Variants in EPB41 observed in about 807,000 individuals in gnomAD.
The protein encoded by EPB41 is protein 4.1.
A neutral mutation model predicts 108.0 loss-of-function variants in EPB41; 65 were observed. That is an observed-to-expected ratio of 0.60 (90% CI 0.49 to 0.74). The LOEUF (loss-of-function observed/expected upper bound fraction) is 0.74, where lower values mean the gene tolerates loss of function less well. Among genes scored for constraint, EPB41 ranks in the 30% least tolerant of loss-of-function variants. The probability of loss-of-function intolerance (pLI) is 0.00; values close to 1 mark genes in which losing one functional copy is unlikely to be tolerated. For missense variants in EPB41, 875 were observed against 1,037.0 expected, an observed-to-expected ratio of 0.84 and a Z score of 2.15; for synonymous variants, 336 against 358.9, an observed-to-expected ratio of 0.94 and a Z score of 0.72.
At chr1:29,098,255 C>T (rs904272731) in intron 17 of EPB41, among the ~76,000 whole-genome samples, 6 of 152,012 alleles carry the variant, frequency 3.9e-5, no homozygotes, top group Admixed American at 1.3e-4. Context: ...AGTGCAGTGG[C>T]GCAATCTCGG....
Position 28,987,480 on chromosome 1 carries a change from C to T in EPB41, c.43C>T (p.Gln15Ter). Residue 15 changes from glutamine (Q) to a stop codon, truncating the protein, a stop_gained, in exon 2 of 21, where the codon CAG (glutamine) becomes TAG (stop). Coordinates refer to ENST00000343067, the MANE Select transcript of EPB41 (RefSeq NM_001376013.1). LOFTEE classifies it high-confidence loss of function. ...KSLVTEAENS[Q>*]HQQKEEGEEA... ...TTTAGTGACTGAGGCCGAAAATTCA[C>T]AGCACCAACAGAAGGAAGAGGGTGA... The T allele has an allele frequency of 8.1e-6, 13 of 1,614,116 alleles. No homozygotes were observed. The highest frequency in any genetic ancestry group is 1.1e-5 in the Non-Finnish European group (13 of 1,180,028).
intron 4 of EPB41, among the ~76,000 whole-genome samples, chr1:29,007,697 C>CT (rs2149850524): frequency 6.6e-6 from 1 of 152,224 alleles, no homozygotes; most frequent in South Asian, 2.1e-4. Flanking sequence ...CTTCCTATTC[C>CT]TTTACATACT....
At chr1:28,927,477 G>A (rs529007794) in intron 1 of EPB41, among the ~76,000 whole-genome samples, 5 of 152,214 alleles carry the variant, frequency 3.3e-5, no homozygotes, top group Admixed American at 6.5e-5. Context: ...ACATAAGACC[G>A]CATTTTTCTA....
chr1:28,931,040 C>T (rs1430616698), intron 1 of EPB41, among the ~76,000 whole-genome samples: 1 of 151,594 alleles, frequency 6.6e-6, no homozygotes, highest in African/African-American at 2.4e-5. Flanking sequence ...ATTATGAATA[C>T]AAAACTAGGG....
At chr1:28,894,166 C>T (rs1477601451) in intron 1 of EPB41, among the ~76,000 whole-genome samples, 1 of 152,156 alleles carries the variant, frequency 6.6e-6, no homozygotes, top group Non-Finnish European at 1.5e-5. Context: ...ACTTATGGGA[C>T]ACAAGTATAT....
At chr1:29,038,252 G>A (rs577083783) in intron 10 of EPB41, among the ~76,000 whole-genome samples, 2 of 152,284 alleles carry the variant, frequency 1.3e-5, no homozygotes, top group East Asian at 3.9e-4. Context: ...ATTTATTTAT[G>A]CTTTCATCAT....
At chr1:29,027,583 G>A (rs558327683) in intron 7 of EPB41, among the ~76,000 whole-genome samples, 7 of 151,876 alleles carry the variant, frequency 4.6e-5, no homozygotes, top group African/African-American at 1.7e-4. Flanking sequence ...CGCCCACCTC[G>A]GCCTCCCAAA....
At chr1:28,894,927 A>G (rs1350509903) in intron 1 of EPB41, among the ~76,000 whole-genome samples, 1 of 152,120 alleles carries the variant, frequency 6.6e-6, no homozygotes, top group Non-Finnish European at 1.5e-5. Context: ...CTGGAATCCA[A>G]GGAGCCCCTG....
At position 29,117,537 on chromosome 1, in the gene EPB41, C is replaced by T. The variant is rs758372657; in HGVS notation, c.*725C>T. 98 of 152,702 alleles carry T rather than the reference C, an allele frequency of 6.4e-4. No individual in the cohort carries two copies. The highest frequency in any genetic ancestry group is 9.8e-4 in the Non-Finnish European group (67 of 68,042). 9.5% of individuals were successfully genotyped at this position (152,702 alleles called of 1,614,324 possible). A position where few individuals can be genotyped will look rare whatever the true frequency, so the allele number is the denominator to read the frequency against. On this transcript the variant is annotated 3_prime_UTR_variant, in exon 21 of 21. Coordinates refer to ENST00000343067, the MANE Select transcript of EPB41 (RefSeq NM_001376013.1). ...GATACTGTGAATGTTTGAACATATC[C>T]GTGGCCTTCACCTCTCCAGCTACCC...
At chr1:28,892,939 G>C (rs1187484643) in intron 1 of EPB41, among the ~76,000 whole-genome samples, 1 of 151,702 alleles carries the variant, frequency 6.6e-6, no homozygotes, top group Non-Finnish European at 1.5e-5. Context: ...GAGTAGCTGG[G>C]ATTATAGGCA....
At chr1:29,087,997 G>T (rs1328144864) in intron 16 of EPB41, among the ~76,000 whole-genome samples, 2 of 148,524 alleles carry the variant, frequency 1.3e-5, no homozygotes, top group Non-Finnish European at 1.5e-5. Context: ...TATATATATA[G>T]GCAGCCAATC....
chr1:29,040,737 A>T (rs1039449469), intron 11 of EPB41, among the ~76,000 whole-genome samples: 9 of 152,162 alleles, frequency 5.9e-5, no homozygotes. Flanking sequence ...GTCTGAATTG[A>T]TATATTGTGG....
intron 16 of EPB41, among the ~76,000 whole-genome samples, chr1:29,088,683 C>T (rs1372050137): frequency 6.6e-6 from 1 of 152,132 alleles, no homozygotes; most frequent in Non-Finnish European, 1.5e-5. Flanking sequence ...TGTCTTCTGG[C>T]TTCTCAGCCT....
intron 2 of EPB41, 76 bp downstream of exon 2, chr1:28,987,981 G>A: frequency 2.0e-6 from 3 of 1,493,736 alleles, no homozygotes; most frequent in Non-Finnish European, 2.8e-6. Context: ...AGAGTATTTG[G>A]GCTGGGCGCG....
intron 18 of EPB41, among the ~76,000 whole-genome samples, chr1:29,111,375 G>T (rs928965679): frequency 6.6e-6 from 1 of 151,800 alleles, no homozygotes; most frequent in Non-Finnish European, 1.5e-5. Flanking sequence ...TAGTAATCCA[G>T]GCTGGGCGCG....
rs772607266 is a variant in EPB41, at chr1:29,065,093, C to T, written c.2119C>T (p.Arg707Cys). ...ACCACGGCCTAGTGAATGGGATAAACGCTTATCCACTCACTCACCCTTCCG... is the reference window on the plus strand; with the variant it reads ...ACCACGGCCTAGTGAATGGGATAAATGCTTATCCACTCACTCACCCTTCCG... Reference protein sequence around the residue: ...PEPRPSEWDKRLSTHSPFRTL... With the variant: ...PEPRPSEWDKCLSTHSPFRTL... The change falls in exon 16 of 21, where the codon CGC becomes TGC. Residue 707 changes from arginine to cysteine, a missense_variant. Physicochemically the swap from Arg to Cys is radical, Grantham distance 180. Coordinates refer to ENST00000343067, the MANE Select transcript of EPB41 (RefSeq NM_001376013.1). 19 of 1,613,948 alleles carry T rather than the reference C, an allele frequency of 1.2e-5. No homozygotes were observed. The highest frequency in any genetic ancestry group is 1.5e-5 in the Non-Finnish European group (18 of 1,179,962).
At chr1:29,103,888 AAT>A (rs1666274627) in intron 17 of EPB41, among the ~76,000 whole-genome samples, 1 of 152,144 alleles carries the variant, frequency 6.6e-6, no homozygotes, top group African/African-American at 2.4e-5. Flanking sequence ...GCTGGTTTCG[AAT>A]GCCTGATCTC....
intron 1 of EPB41, among the ~76,000 whole-genome samples, chr1:28,961,198 G>A (rs531157419): frequency 6.6e-6 from 1 of 151,856 alleles, no homozygotes; most frequent in Non-Finnish European, 1.5e-5. Context: ...GTTAGAATTA[G>A]GCAAAAAACA....
At chr1:28,955,644 C>T (rs972169471) in intron 1 of EPB41, among the ~76,000 whole-genome samples, 12 of 152,016 alleles carry the variant, frequency 7.9e-5, no homozygotes, top group Non-Finnish European at 1.8e-4. Flanking sequence ...ACGCCCAGCC[C>T]TGATGATCTA....
Sources: gnomAD v4.1 joint callset for allele counts (sites outside exome capture counted in the v4.1 genomes callset) on GRCh38, gnomAD v4.1.1 for gene constraint, MANE v1.5 for transcripts, NCBI Gene and HGNC (gene_info 2026-07-23, HGNC 2026-07-21) for gene names.